Variants in ADAMTS17 observed in about 807,000 individuals in gnomAD.
ADAMTS17 encodes ADAM metallopeptidase with thrombospondin type 1 motif 17.
Under a neutral mutation model 141.5 loss-of-function variants are expected in ADAMTS17, and 113 were observed. The observed-to-expected ratio is 0.80, with a 90% CI of 0.69 to 0.93. The LOEUF is 0.93. Ranked by LOEUF, ADAMTS17 falls within the 40% of genes least tolerant of loss-of-function variation. The pLI, the probability that ADAMTS17 is intolerant of heterozygous loss-of-function variation, is 0.00. For synonymous variants in ADAMTS17, 768 were observed against 630.6 expected (o/e 1.22, Z -3.27); for missense variants, 1,659 against 1,517.9 (o/e 1.09, Z -1.54).
intron 7 of ADAMTS17, among the ~76,000 whole-genome samples, chr15:100,235,737 A>G (rs1394804509): frequency 6.6e-6 from 1 of 152,192 alleles, no homozygotes; most frequent in Non-Finnish European, 1.5e-5. Flanking sequence ...CTCTGACATC[A>G]AAAGGTGCTG....
rs145818584 is a variant in ADAMTS17 at position 100,275,157 on chromosome 15, C to T, written c.789+6072G>A. 1.4e-4 allele frequency among the ~76,000 whole-genome samples: 21 copies of T among 152,318 alleles called. No individual in the cohort carries two copies. In the East Asian group the frequency reaches 4.1e-3, roughly 29 times the overall value. ...CAGAGTCCTAAAAGGCAGAGGAACT[C>T]GTTCCACAAGGCACGTAAGCAGAGC... On this transcript the variant is annotated intron_variant, in intron 4 of 21. Transcript: ENST00000268070.
intron 3 of ADAMTS17, among the ~76,000 whole-genome samples, chr15:100,289,938 C>T (rs755635702): frequency 1.6e-4 from 25 of 152,236 alleles, no homozygotes; most frequent in Non-Finnish European, 2.6e-4. Flanking sequence ...GAAAGCATTC[C>T]GCTTGAGAAC....
intron 3 of ADAMTS17, among the ~76,000 whole-genome samples, chr15:100,315,685 A>T (rs572319784): frequency 1.0e-3 from 152 of 152,308 alleles, no homozygotes; most frequent in African/African-American, 3.6e-3. Context: ...AAAAATTTTA[A>T]AAAAAATTAC....
intron 15 of ADAMTS17, among the ~76,000 whole-genome samples, chr15:100,082,602 G>C (rs2034820090): frequency 6.6e-6 from 1 of 151,720 alleles, no homozygotes; most frequent in Non-Finnish European, 1.5e-5. Context: ...TGCTCAGGCT[G>C]GTCTGATAGT....
intron 7 of ADAMTS17, among the ~76,000 whole-genome samples, chr15:100,226,974 G>A (rs949646082): frequency 6.6e-6 from 1 of 152,046 alleles, no homozygotes; most frequent in Non-Finnish European, 1.5e-5. Flanking sequence ...AATATATGAC[G>A]TCCATCATTT....
chr15:99,974,312 G>A lies in ADAMTS17; in HGVS notation c.*90C>T, dbSNP rs557053161. The A allele has an allele frequency of 1.7e-5, 27 of 1,554,258 alleles. No individual in the cohort carries two copies. Among genetic ancestry groups the A allele is most frequent in the Non-Finnish European group, 2.4e-5 (27 of 1,132,202 alleles). ...TGTAGTTGGATTCTTGTGGCAGCCGGGTGGGGGCGTGGCCACAAGGCTGGT... is the reference window on the plus strand; with the variant it reads ...TGTAGTTGGATTCTTGTGGCAGCCGAGTGGGGGCGTGGCCACAAGGCTGGT... On this transcript the variant is annotated 3_prime_UTR_variant, in exon 22 of 22. Coordinates refer to ENST00000268070, the MANE Select transcript of ADAMTS17 (RefSeq NM_139057.4).
intron 7 of ADAMTS17, among the ~76,000 whole-genome samples, chr15:100,222,027 AACCATTT>A (rs2042149879): frequency 6.6e-6 from 1 of 152,216 alleles, no homozygotes; most frequent in Non-Finnish European, 1.5e-5. Flanking sequence ...GATTTGTGCA[AACCATTT>A]TATTAAACGA....
chr15:100,180,905 G>C (rs1262782701), intron 8 of ADAMTS17, among the ~76,000 whole-genome samples: 1 of 152,212 alleles, frequency 6.6e-6, no homozygotes, highest in East Asian at 1.9e-4. Flanking sequence ...CTTCAGGGCG[G>C]CAAGTTCCCC....
chr15:100,013,111 A>T (rs1045583566), intron 18 of ADAMTS17, among the ~76,000 whole-genome samples: 1 of 152,252 alleles, frequency 6.6e-6, no homozygotes, highest in Admixed American at 6.5e-5. Context: ...CTTCTTGGTT[A>T]GGTATATTCC....
chr15:100,061,939 C>G (rs2141659156), intron 15 of ADAMTS17, among the ~76,000 whole-genome samples: 1 of 152,358 alleles, frequency 6.6e-6, no homozygotes, highest in African/African-American at 2.4e-5. Context: ...ATGATACCAG[C>G]TGGTGGGGCT....
intron 10 of ADAMTS17, among the ~76,000 whole-genome samples, chr15:100,136,981 A>C (rs1291964436): frequency 6.6e-6 from 1 of 152,222 alleles, no homozygotes; most frequent in African/African-American, 2.4e-5. Context: ...GCTGATACAG[A>C]CACAAGGAAA....
chr15:100,162,219 A>C (rs2039722698), intron 8 of ADAMTS17, among the ~76,000 whole-genome samples: 1 of 152,036 alleles, frequency 6.6e-6, no homozygotes, highest in African/African-American at 2.4e-5. Flanking sequence ...CAATTCTTGA[A>C]TCTATATACA....
At chr15:100,040,717 C>T (rs1269173354) in intron 18 of ADAMTS17, among the ~76,000 whole-genome samples, 12 of 151,760 alleles carry the variant, frequency 7.9e-5, no homozygotes, top group Non-Finnish European at 1.5e-4. Context: ...CTTTCTTGTC[C>T]TCCATCTTGA....
chr15:100,262,798 C>A (rs74039113), intron 4 of ADAMTS17, among the ~76,000 whole-genome samples: 13,257 of 122,952 alleles, frequency 0.11, 1,462 homozygotes, highest in African/African-American at 0.3. Flanking sequence ...AAAAAAAAAA[C>A]AAAAAACCTA....
At chr15:100,022,431 T>C (rs2061422828) in intron 18 of ADAMTS17, among the ~76,000 whole-genome samples, 1 of 152,230 alleles carries the variant, frequency 6.6e-6, no homozygotes, top group Admixed American at 6.5e-5. Flanking sequence ...AGCAGTTTCC[T>C]ATAAAAAGTG....
intron 19 of ADAMTS17, among the ~76,000 whole-genome samples, chr15:99,995,184 G>A (rs903548734): frequency 6.6e-6 from 1 of 152,228 alleles, no homozygotes; most frequent in African/African-American, 2.4e-5. Flanking sequence ...TGTGTGGCAA[G>A]GTTTCCTGAC....
At chr15:99,979,297 G>A (rs1195307501) in intron 20 of ADAMTS17, 1 of 151,638 alleles carries the variant, frequency 6.6e-6, no homozygotes, top group Non-Finnish European at 1.5e-5. Flanking sequence ...GCTGAGGCAG[G>A]AAAATGGCTT....
At chr15:100,254,232 A>C (rs1164203710) in intron 6 of ADAMTS17, 53 bp from the exon 7 acceptor site, 1 of 1,515,696 alleles carries the variant, frequency 6.6e-7, no homozygotes, top group Non-Finnish European at 9.2e-7. Flanking sequence ...CAAGAATGGG[A>C]GAAGAAAACA....
chr15:99,993,616 A>T lies in ADAMTS17; in HGVS notation c.2797-416T>A, dbSNP rs2060735656. Among the ~76,000 whole-genome samples, 1 of 152,236 alleles carries T rather than the reference A, an allele frequency of 6.6e-6. No individual in the cohort carries two copies. The highest frequency in any genetic ancestry group is 6.5e-5 in the Admixed American group (1 of 15,286). On this transcript the variant is annotated intron_variant, in intron 19 of 21. Transcript: ENST00000268070. The surrounding 1 kb of genome is among the most constrained non-coding windows in gnomAD (Gnocchi z 4.3). ...CCTAAAGCTGAGTCCCAGGCCCCAG[A>T]TCTTTCCAGCTGGCCTCCAGGTGCA... is the stretch of plus-strand genomic sequence containing the variant.
Sources: allele counts gnomAD v4.1 joint callset (sites outside exome capture counted in the v4.1 genomes callset), GRCh38; gene constraint gnomAD v4.1.1; non-coding constraint Gnocchi (gnomAD v3.1); transcripts MANE v1.5; gene names NCBI Gene and HGNC (gene_info 2026-07-23, HGNC 2026-07-21).